The following ST7 variants were observed in gnomAD, a reference collection of about 807,000 sequenced individuals.
The protein encoded by ST7 is suppression of tumorigenicity 7, also known as suppressor of tumorigenicity 7 protein.
ST7 carries 28 observed loss-of-function variants against 78.7 expected under a neutral mutation model. The observed-to-expected ratio is 0.36, with a 90% CI of 0.26 to 0.49. The LOEUF is 0.49. ST7 is among the 20% of genes least tolerant of loss of function. ST7 has a pLI of 0.99. For missense variants in ST7, 418 were observed against 696.0 expected, an observed-to-expected ratio of 0.60 and a Z score of 4.49; for synonymous variants, 247 against 249.6, an observed-to-expected ratio of 0.99 and a Z score of 0.10.
chr7:117,012,406 A>G (rs1366086175), intron 1 of ST7, among the ~76,000 whole-genome samples: 1 of 151,986 alleles, frequency 6.6e-6, no homozygotes, highest in Non-Finnish European at 1.5e-5. Flanking sequence ...CTGATCTTAG[A>G]TAAGTTGTTT....
chr7:117,097,175 A>C (rs762544149), intron 1 of ST7, among the ~76,000 whole-genome samples: 2 of 152,190 alleles, frequency 1.3e-5, no homozygotes, highest in Non-Finnish European at 2.9e-5. Flanking sequence ...CAGCAGGGCT[A>C]CTAAAGCACT....
At chr7:117,032,588 AT>A (rs1796660388) in intron 1 of ST7, among the ~76,000 whole-genome samples, 1 of 152,180 alleles carries the variant, frequency 6.6e-6, no homozygotes, top group African/African-American at 2.4e-5. Flanking sequence ...TTGAATTTAA[AT>A]TTATTTTTTA....
chr7:117,156,464 A>G (rs907152855), intron 9 of ST7, among the ~76,000 whole-genome samples: 19 of 152,340 alleles, frequency 1.2e-4, no homozygotes, highest in African/African-American at 3.6e-4. Flanking sequence ...TCAGATACCT[A>G]TTATAGCTCC....
At chr7:117,220,349 T>C (rs1191799512) in intron 14 of ST7, among the ~76,000 whole-genome samples, 1 of 152,186 alleles carries the variant, frequency 6.6e-6, no homozygotes, top group Non-Finnish European at 1.5e-5. Flanking sequence ...AGTTTGATTG[T>C]GAAAAGAGTC....
chr7:117,131,460 G>A (rs970561903), intron 5 of ST7, among the ~76,000 whole-genome samples: 1 of 151,930 alleles, frequency 6.6e-6, no homozygotes, highest in Middle Eastern at 3.4e-3. Flanking sequence ...TTCTTGAAAT[G>A]GTTTCAGAAT....
intron 5 of ST7, 59 bp from the exon 6 acceptor site, chr7:117,131,826 C>T: frequency 6.9e-7 from 1 of 1,440,870 alleles, no homozygotes; most frequent in South Asian, 1.2e-5. Flanking sequence ...TTGTCCTCTA[C>T]TGAGTCTACC....
intron 9 of ST7, among the ~76,000 whole-genome samples, chr7:117,168,317 C>T (rs565687211): frequency 7.0e-4 from 106 of 152,280 alleles, no homozygotes; most frequent in African/African-American, 2.5e-3. Flanking sequence ...TTTTAAGCTT[C>T]AGCAACTAAT....
chr7:117,098,686 A>G lies in ST7; in HGVS notation c.152-1076A>G, dbSNP rs1364013367. 5 of 860,038 alleles carry G rather than the reference A, an allele frequency of 5.8e-6. No individual in the cohort carries two copies. The Admixed American group carries it at 1.8e-4, about 31-fold the overall frequency. The allele number at this position is 860,038 out of a possible 1,614,324, so 53.3% of individuals were successfully genotyped here. A position where few individuals can be genotyped will look rare whatever the true frequency, so the allele number is the denominator to read the frequency against. On this transcript the variant is annotated intron_variant, in intron 1 of 15. Transcript: ENST00000323984. ...GTATATTACTTTGCTTTCTGGGCTG[A>G]GCTCAGGACAGATGCCAAAGCCTTT...
chr7:116,965,494 A>G (rs1793063960), intron 1 of ST7, among the ~76,000 whole-genome samples: 1 of 152,212 alleles, frequency 6.6e-6, no homozygotes, highest in Non-Finnish European at 1.5e-5. Flanking sequence ...TGATGGGTGC[A>G]GCAAACCACC....
intron 1 of ST7, among the ~76,000 whole-genome samples, chr7:117,045,919 G>C (rs746689727): frequency 1.3e-5 from 2 of 152,220 alleles, no homozygotes; most frequent in African/African-American, 2.4e-5. Flanking sequence ...TCAAGTTCTA[G>C]AGGGGTTCTA....
intron 1 of ST7, chr7:116,956,845 A>G (rs1334994655): frequency 2.8e-6 from 1 of 358,062 alleles, no homozygotes; most frequent in African/African-American, 2.1e-5. Flanking sequence ...GTTTACTACA[A>G]GAATACAACT....
At chr7:117,211,995 G>A (rs1792335568) in intron 13 of ST7, among the ~76,000 whole-genome samples, 1 of 152,216 alleles carries the variant, frequency 6.6e-6, no homozygotes, top group South Asian at 2.1e-4. Flanking sequence ...GATCCTTACA[G>A]ATAGGCAGGA....
At chr7:117,024,554 G>A (rs1350796808) in intron 1 of ST7, among the ~76,000 whole-genome samples, 4 of 152,140 alleles carry the variant, frequency 2.6e-5, no homozygotes, top group African/African-American at 9.7e-5. Context: ...GAAACAGAGT[G>A]TCCCTGGGGC....
At chr7:116,995,933 G>A (rs1794630409) in intron 1 of ST7, among the ~76,000 whole-genome samples, 1 of 152,160 alleles carries the variant, frequency 6.6e-6, no homozygotes, top group Non-Finnish European at 1.5e-5. Context: ...CCTGTGGGCT[G>A]CCAGCTTTTA....
chr7:117,197,714 G>T (rs1460356147), intron 12 of ST7, among the ~76,000 whole-genome samples: 1 of 152,194 alleles, frequency 6.6e-6, no homozygotes, highest in Non-Finnish European at 1.5e-5. Flanking sequence ...TTAGCCATTT[G>T]TATTTATTCC....
rs931212253 is a variant in ST7, at chr7:116,972,863, G to T, written c.151+19172G>T. On this transcript the variant is annotated intron_variant, in intron 1 of 15. Coordinates refer to ENST00000323984, the MANE Select transcript of ST7 (RefSeq NM_001369598.1). ...TCTGCATCATCTGCCTGCTGCTGCA[G>T]AACCTGGATATTGCCCTTAACCGCC... 3.2e-6 allele frequency: 4 copies of T among 1,257,718 alleles called. No homozygotes were observed. The African/African-American group carries it at 5.9e-5, about 18-fold the overall frequency. The allele number at this position is 1,257,718 out of a possible 1,614,324, so 77.9% of individuals were successfully genotyped here. A position where few individuals can be genotyped will look rare whatever the true frequency, so the allele number is the denominator to read the frequency against.
At chr7:117,080,879 T>A (rs1373060572) in intron 1 of ST7, 6 of 152,224 alleles carry the variant, frequency 3.9e-5, no homozygotes, top group African/African-American at 1.4e-4. Flanking sequence ...TTTATGCCAT[T>A]GAGTTTTCTA....
intron 14 of ST7, among the ~76,000 whole-genome samples, chr7:117,221,151 G>T (rs1019149191): frequency 8.5e-5 from 13 of 152,260 alleles, no homozygotes; most frequent in African/African-American, 3.1e-4. Context: ...CGATTCTCTT[G>T]ACCTCTGTAC....
chr7:116,989,679 A>T (rs532654017), intron 1 of ST7, among the ~76,000 whole-genome samples: 2 of 151,988 alleles, frequency 1.3e-5, no homozygotes, highest in East Asian at 3.9e-4. Flanking sequence ...ATCTCTAAAA[A>T]AATTTTTTAA....
Sources: allele counts gnomAD v4.1 joint callset (sites outside exome capture counted in the v4.1 genomes callset), GRCh38; gene constraint gnomAD v4.1.1; transcripts MANE v1.5; gene names NCBI Gene and HGNC (gene_info 2026-07-23, HGNC 2026-07-21).